RTN1: variants seen among roughly 807,000 people sequenced by gnomAD.
The protein encoded by RTN1 is reticulon 1, also known as reticulon-1.
A neutral mutation model predicts 65.5 loss-of-function variants in RTN1; 25 were observed. The observed-to-expected ratio is 0.38, with a 90% CI of 0.28 to 0.53. The LOEUF (loss-of-function observed/expected upper bound fraction) is 0.53. Ranked by LOEUF, RTN1 falls within the 20% of genes least tolerant of loss-of-function variation. The probability of loss-of-function intolerance (pLI) is 0.79; values close to 1 mark genes in which losing one functional copy is unlikely to be tolerated. For missense variants in RTN1, 983 were observed against 1,025.4 expected (o/e 0.96, Z 0.57); for synonymous variants, 471 against 447.6 (o/e 1.05, Z -0.66).
chr14:59,663,636 G>GA (rs200002379), intron 3 of RTN1, among the ~76,000 whole-genome samples: 45 of 121,478 alleles, frequency 3.7e-4, no homozygotes, highest in East Asian at 2.8e-3. Context: ...AAATTTACAA[G>GA]AAAAAAAAAA....
chr14:59,689,796 T>C (rs1883922846), intron 3 of RTN1, among the ~76,000 whole-genome samples: 1 of 152,180 alleles, frequency 6.6e-6, no homozygotes, highest in Non-Finnish European at 1.5e-5. Flanking sequence ...TTACAAGCGA[T>C]CTTTGAGAGA....
At chr14:59,656,231 G>A (rs971162797) in intron 3 of RTN1, among the ~76,000 whole-genome samples, 1 of 151,698 alleles carries the variant, frequency 6.6e-6, no homozygotes, top group Non-Finnish European at 1.5e-5. Context: ...AATGAGAAAT[G>A]ACTGCTAATG....
chr14:59,623,694 C>A (rs1882316530), intron 3 of RTN1, among the ~76,000 whole-genome samples: 1 of 152,154 alleles, frequency 6.6e-6, no homozygotes, highest in South Asian at 2.1e-4. Flanking sequence ...ATTGTGTCAT[C>A]CCTTCTTAAA....
At chr14:59,610,785 T>G (rs192061612) in intron 3 of RTN1, among the ~76,000 whole-genome samples, 1 of 152,362 alleles carries the variant, frequency 6.6e-6, no homozygotes, top group African/African-American at 2.4e-5. Context: ...GTCATGCAGC[T>G]GGAGGCTACA....
At chr14:59,733,728 A>G (rs1884949497) in intron 2 of RTN1, among the ~76,000 whole-genome samples, 1 of 152,106 alleles carries the variant, frequency 6.6e-6, no homozygotes, top group Non-Finnish European at 1.5e-5. Flanking sequence ...ACCCCTGCTC[A>G]TGTTCTCCCT....
chr14:59,649,810 A>C (rs927190890), intron 3 of RTN1, among the ~76,000 whole-genome samples: 1 of 152,202 alleles, frequency 6.6e-6, no homozygotes, highest in Non-Finnish European at 1.5e-5. Context: ...TGGGAGTGTA[A>C]ATTAGTTCAA....
At chr14:59,737,542 G>A (rs188145914) in intron 2 of RTN1, among the ~76,000 whole-genome samples, 107 of 152,256 alleles carry the variant, frequency 7.0e-4, no homozygotes, top group African/African-American at 2.2e-3. Context: ...AACATTCCAT[G>A]CTCATGGATA....
chr14:59,623,648 T>C (rs1177725029), intron 3 of RTN1, among the ~76,000 whole-genome samples: 4 of 152,244 alleles, frequency 2.6e-5, no homozygotes, highest in Non-Finnish European at 5.9e-5. Context: ...ATTTGGTCTA[T>C]TGGTCATCAA....
intron 1 of RTN1, among the ~76,000 whole-genome samples, chr14:59,827,380 A>G (rs1184636506): frequency 6.6e-6 from 1 of 151,902 alleles, no homozygotes; most frequent in Non-Finnish European, 1.5e-5. Context: ...GCCCCGCTGT[A>G]TGTGGTTCTT....
chr14:59,679,812 G>T (rs1883707232), intron 3 of RTN1, among the ~76,000 whole-genome samples: 1 of 152,092 alleles, frequency 6.6e-6, no homozygotes, highest in Non-Finnish European at 1.5e-5. Flanking sequence ...ATACAGACTT[G>T]CATATAATTT....
chr14:59,719,892 G>C (rs1181815046), intron 3 of RTN1, among the ~76,000 whole-genome samples: 1 of 152,140 alleles, frequency 6.6e-6, no homozygotes, highest in Non-Finnish European at 1.5e-5. Flanking sequence ...TAGGGAATTA[G>C]GATTGCCATT....
At chr14:59,768,140 T>C (rs916859740) in intron 1 of RTN1, among the ~76,000 whole-genome samples, 7 of 152,232 alleles carry the variant, frequency 4.6e-5, no homozygotes, top group African/African-American at 1.4e-4. Flanking sequence ...ATTTACTAAT[T>C]GATATGATTG....
intron 5 of RTN1, chr14:59,605,157 C>T: frequency 2.2e-6 from 1 of 448,410 alleles, no homozygotes; most frequent in African/African-American, 2.0e-5. Flanking sequence ...ACTCACTGGG[C>T]AACCCTGGAC....
intron 3 of RTN1, among the ~76,000 whole-genome samples, chr14:59,724,216 C>CA: frequency 6.6e-6 from 1 of 152,264 alleles, no homozygotes; most frequent in Non-Finnish European, 1.5e-5. Context: ...GTCTCCAGTG[C>CA]AATAACTGCA....
chr14:59,625,135 G>T, intron 3 of RTN1, among the ~76,000 whole-genome samples: 1 of 151,784 alleles, frequency 6.6e-6, no homozygotes. Context: ...GAAGAAGGAA[G>T]GGCCTGGTAA....
intron 3 of RTN1, among the ~76,000 whole-genome samples, chr14:59,708,521 G>A (rs777945705): frequency 6.6e-6 from 1 of 152,202 alleles, no homozygotes; most frequent in Non-Finnish European, 1.5e-5. Flanking sequence ...GTCAGCACCT[G>A]GCTCTCTGGG....
At position 59,776,250 on chromosome 14, in the gene RTN1, G is replaced by C. The variant is rs191231779; in HGVS notation, c.242-29769C>G. 1.4e-3 allele frequency among the ~76,000 whole-genome samples: 216 copies of C among 152,220 alleles called. 1 individual carries two copies. The highest frequency in any genetic ancestry group is 2.2e-3 in the Non-Finnish European group (147 of 68,022). ...CCCAATGCATCAATGTTGGGAGCTG[G>C]GGCCTAGTAAGAGGTGGATTAGGTC... On this transcript the variant is annotated intron_variant, in intron 1 of 8. Coordinates refer to ENST00000267484, the MANE Select transcript of RTN1 (RefSeq NM_021136.3).
At chr14:59,777,924 C>T (rs1177178974) in intron 1 of RTN1, among the ~76,000 whole-genome samples, 2 of 151,972 alleles carry the variant, frequency 1.3e-5, no homozygotes, top group African/African-American at 4.8e-5. Context: ...TGGCATGATG[C>T]AGCCTCTACG....
intron 3 of RTN1, among the ~76,000 whole-genome samples, chr14:59,660,363 T>A (rs769609103): frequency 4.6e-5 from 7 of 152,192 alleles, no homozygotes; most frequent in Non-Finnish European, 7.3e-5. Flanking sequence ...TATTCAGGAC[T>A]TGAACTTAGT....
Sources: allele counts gnomAD v4.1 joint callset (sites outside exome capture counted in the v4.1 genomes callset), GRCh38; gene constraint gnomAD v4.1.1; transcripts MANE v1.5; gene names NCBI Gene and HGNC (gene_info 2026-07-23, HGNC 2026-07-21).